COMMD10: variants seen among roughly 807,000 people sequenced by gnomAD.
The protein encoded by COMMD10 is COMM domain-containing protein 10.
In COMMD10, 33 loss-of-function variants were observed where a neutral mutation model predicts 28.9. The ratio of observed to expected loss-of-function variants is 1.14; its 90% CI spans 0.87 to 1.53. The LOEUF (loss-of-function observed/expected upper bound fraction) is 1.53. Ranked by LOEUF, COMMD10 falls within the 40% of genes most tolerant of loss-of-function variation. COMMD10 has a pLI of 0.00. For missense variants in COMMD10, 310 were observed against 233.4 expected (o/e 1.33, Z -2.14); for synonymous variants, 110 against 81.7 (o/e 1.35, Z -1.87).
intron 5 of COMMD10, among the ~76,000 whole-genome samples, chr5:116,212,306 A>AG (rs1748986273): frequency 6.6e-6 from 1 of 152,168 alleles, no homozygotes; most frequent in Admixed American, 6.5e-5. Flanking sequence ...TAAAAGTAGA[A>AG]GTAGTAATCC....
intron 4 of COMMD10, among the ~76,000 whole-genome samples, chr5:116,117,184 T>C (rs544364723): frequency 1.0e-3 from 154 of 152,334 alleles, no homozygotes; most frequent in Non-Finnish European, 1.7e-3. Flanking sequence ...TTCATGTATG[T>C]TTGGGTTTTT....
intron 5 of COMMD10, chr5:116,255,844 A>C (rs1198287622): frequency 1.3e-5 from 2 of 151,338 alleles, no homozygotes; most frequent in Non-Finnish European, 2.9e-5. Flanking sequence ...ATTTTATTAA[A>C]ACATTAAGAA....
At chr5:116,285,421 C>T (rs1280822515) in intron 5 of COMMD10, among the ~76,000 whole-genome samples, 1 of 151,844 alleles carries the variant, frequency 6.6e-6, no homozygotes, top group Non-Finnish European at 1.5e-5. Context: ...ATTCTTACTT[C>T]CCCACAAAAC....
chr5:116,113,627 A>G (rs1431800007), intron 4 of COMMD10, among the ~76,000 whole-genome samples: 1 of 151,692 alleles, frequency 6.6e-6, no homozygotes, highest in Non-Finnish European at 1.5e-5. Context: ...TGAATTTTTT[A>G]GTTCCAGGAT....
intron 5 of COMMD10, among the ~76,000 whole-genome samples, chr5:116,172,073 G>T (rs1042043242): frequency 1.3e-5 from 2 of 152,100 alleles, no homozygotes; most frequent in Admixed American, 6.6e-5. Context: ...TATGTCCAGA[G>T]CTTACAGAAG....
At chr5:116,209,339 A>G (rs986060750) in intron 5 of COMMD10, among the ~76,000 whole-genome samples, 9 of 152,198 alleles carry the variant, frequency 5.9e-5, no homozygotes, top group African/African-American at 2.2e-4. Flanking sequence ...AGAAAAGATT[A>G]TCTTAACTGA....
chr5:116,220,836 T>C (rs1318202041), intron 5 of COMMD10, among the ~76,000 whole-genome samples: 2 of 152,124 alleles, frequency 1.3e-5, no homozygotes, highest in African/African-American at 2.4e-5. Flanking sequence ...ATCTTTTAAA[T>C]GAAACCCTCC....
At chr5:116,166,648 C>G (rs1320572072) in intron 5 of COMMD10, among the ~76,000 whole-genome samples, 1 of 152,150 alleles carries the variant, frequency 6.6e-6, no homozygotes, top group Non-Finnish European at 1.5e-5. Context: ...GAGGAAGGAA[C>G]AGGCAGCAAT....
chr5:116,173,105 A>G (rs1202889186), intron 5 of COMMD10, among the ~76,000 whole-genome samples: 2 of 152,128 alleles, frequency 1.3e-5, no homozygotes, highest in African/African-American at 4.8e-5. Context: ...TTTAGGTAGT[A>G]AATACTAAGG....
At chr5:116,247,052 A>G (rs1487933987) in intron 5 of COMMD10, among the ~76,000 whole-genome samples, 4 of 152,112 alleles carry the variant, frequency 2.6e-5, no homozygotes, top group African/African-American at 9.7e-5. Context: ...AGAATGGGAG[A>G]AAATCTTTGC....
At chr5:116,165,192 G>C (rs987088740) in intron 5 of COMMD10, among the ~76,000 whole-genome samples, 1 of 152,176 alleles carries the variant, frequency 6.6e-6, no homozygotes, top group Non-Finnish European at 1.5e-5. Context: ...GAATTATCTG[G>C]TTCCATTGAT....
intron 4 of COMMD10, among the ~76,000 whole-genome samples, chr5:116,095,970 A>G (rs1326204071): frequency 1.3e-5 from 2 of 152,180 alleles, no homozygotes; most frequent in East Asian, 1.9e-4. Context: ...TCATTGACTT[A>G]TTTGTCTATG....
At chr5:116,236,589 C>G (rs921631643) in intron 5 of COMMD10, among the ~76,000 whole-genome samples, 1 of 150,916 alleles carries the variant, frequency 6.6e-6, no homozygotes, top group Non-Finnish European at 1.5e-5. Context: ...TAACTCAAGC[C>G]AATGTGAAAA....
At chr5:116,230,771 A>G (rs1026453547) in intron 5 of COMMD10, among the ~76,000 whole-genome samples, 2 of 152,134 alleles carry the variant, frequency 1.3e-5, no homozygotes, top group African/African-American at 4.8e-5. Context: ...GTTTCTCTTT[A>G]CCATCCAAAG....
Position 116,185,012 on chromosome 5 carries a change from G to T in COMMD10, c.510+50834G>T, listed in dbSNP as rs368103011. Among the ~76,000 whole-genome samples the T allele has an allele frequency of 3.9e-5, 6 of 152,064 alleles. No individual in the cohort carries two copies. The East Asian group carries it at 9.7e-4, about 24-fold the overall frequency. On this transcript the variant is annotated intron_variant, in intron 5 of 6. Coordinates refer to ENST00000274458, the MANE Select transcript of COMMD10 (RefSeq NM_016144.4). ...TCCTGACAAGAATTTTGAAAGAATA[G>T]AAGGCAGTTATACAAAATGTGTGAT...
intron 5 of COMMD10, among the ~76,000 whole-genome samples, chr5:116,189,089 C>G (rs1327811727): frequency 6.6e-6 from 1 of 152,194 alleles, no homozygotes; most frequent in African/African-American, 2.4e-5. Context: ...TTAGGTTCCA[C>G]TTCCCTCTGT....
intron 5 of COMMD10, among the ~76,000 whole-genome samples, chr5:116,136,814 TTTCA>T (rs931372338): frequency 3.9e-5 from 6 of 152,152 alleles, no homozygotes; most frequent in African/African-American, 1.2e-4. Context: ...AGAGCACCAT[TTTCA>T]TTAACAAATA....
At chr5:116,242,332 G>C (rs1345707486) in intron 5 of COMMD10, among the ~76,000 whole-genome samples, 1 of 152,106 alleles carries the variant, frequency 6.6e-6, no homozygotes, top group Admixed American at 6.6e-5. Flanking sequence ...TTTTAGTTTT[G>C]GCTCTGCCAT....
intron 4 of COMMD10, among the ~76,000 whole-genome samples, chr5:116,106,781 C>G (rs1407839525): frequency 6.6e-6 from 1 of 152,184 alleles, no homozygotes; most frequent in Non-Finnish European, 1.5e-5. Flanking sequence ...TCTGTTTTAT[C>G]AGAGACTAGG....
Sources: gnomAD v4.1 joint callset for allele counts (sites outside exome capture counted in the v4.1 genomes callset) on GRCh38, gnomAD v4.1.1 for gene constraint, MANE v1.5 for transcripts, NCBI Gene and HGNC (gene_info 2026-07-23, HGNC 2026-07-21) for gene names.